The following PPIP5K2 variants were observed in gnomAD, a reference collection of about 807,000 sequenced individuals.
PPIP5K2 encodes the protein diphosphoinositol pentakisphosphate kinase 2, also known as inositol hexakisphosphate and diphosphoinositol-pentakisphosphate kinase 2.
In PPIP5K2, 105 loss-of-function variants were observed where a neutral mutation model predicts 154.6. The observed-to-expected ratio is 0.68, with a 90% CI of 0.58 to 0.80. The LOEUF is 0.80. Among genes scored for constraint, PPIP5K2 ranks in the 30% least tolerant of loss-of-function variants. The probability of loss-of-function intolerance (pLI) is 0.00; values close to 1 mark genes in which losing one functional copy is unlikely to be tolerated. For synonymous variants in PPIP5K2, 480 were observed against 490.3 expected (o/e 0.98, Z 0.28); for missense variants, 992 against 1,504.6 (o/e 0.66, Z 5.64).
intron 17 of PPIP5K2, among the ~76,000 whole-genome samples, chr5:103,166,822 A>AG (rs1797187071): frequency 2.0e-5 from 3 of 152,020 alleles, no homozygotes; most frequent in African/African-American, 7.2e-5. Context: ...CTATGCCTTA[A>AG]GGGGAAATAG....
intron 3 of PPIP5K2, among the ~76,000 whole-genome samples, chr5:103,134,444 T>C (rs1791133439): frequency 6.6e-6 from 1 of 152,156 alleles, no homozygotes; most frequent in South Asian, 2.1e-4. Flanking sequence ...AAATATGTTC[T>C]CCTGAGCTAT....
At chr5:103,171,151 A>G (rs550659562) in intron 19 of PPIP5K2, among the ~76,000 whole-genome samples, 1 of 151,600 alleles carries the variant, frequency 6.6e-6, no homozygotes, top group African/African-American at 2.4e-5. Flanking sequence ...TAACAGTTAA[A>G]CTAGTTCTGA....
intron 24 of PPIP5K2, among the ~76,000 whole-genome samples, chr5:103,182,026 A>G (rs1319138297): frequency 3.3e-5 from 5 of 152,174 alleles, no homozygotes; most frequent in Non-Finnish European, 1.5e-5. Context: ...AACTTAATGG[A>G]AAAAATGAAA....
intron 1 of PPIP5K2, among the ~76,000 whole-genome samples, chr5:103,125,416 T>G (rs1214508674): frequency 6.6e-6 from 1 of 151,962 alleles, no homozygotes; most frequent in African/African-American, 2.4e-5. Flanking sequence ...ACCCAGGTAT[T>G]TTAACCCCTG....
chr5:103,132,984 C>T (rs1261395858), intron 2 of PPIP5K2, among the ~76,000 whole-genome samples: 1 of 152,168 alleles, frequency 6.6e-6, no homozygotes, highest in Admixed American at 6.5e-5. Context: ...TCCAAGTTGT[C>T]ATCAGTGACC....
intron 1 of PPIP5K2, among the ~76,000 whole-genome samples, chr5:103,125,515 A>C (rs912963706): frequency 1.3e-5 from 2 of 151,822 alleles, no homozygotes; most frequent in African/African-American, 4.8e-5. Flanking sequence ...GTGGAATAAC[A>C]GAAAAAAAAA....
At position 103,155,404 on chromosome 5, in the gene PPIP5K2, G is replaced by GTGTTTTTTT. The variant is rs1554212864; in HGVS notation, c.1403+462_1403+463insGTTTTTTTT. Among the ~76,000 whole-genome samples the GTGTTTTTTT allele has an allele frequency of 1.7e-4, 4 of 23,944 alleles. No individual in the cohort carries two copies. In the East Asian group the frequency reaches 5.2e-3, roughly 31 times the overall value. 15.7% of individuals were successfully genotyped at this position (23,944 alleles called of 152,430 possible). On this transcript the variant is annotated intron_variant, in intron 13 of 30. Coordinates refer to ENST00000358359, the MANE Select transcript of PPIP5K2 (RefSeq NM_001276277.3). ...TTCTGTACTTTATCTCTTCAGAGTTGTCTTTTTTTTTTTTTTTTTTTTTTT... is the reference window on the plus strand; with the variant it reads ...TTCTGTACTTTATCTCTTCAGAGTTGTGTTTTTTTTCTTTTTTTTTTTTTTTTTTTTTTT...
At chr5:103,201,447 G>T in intron 30 of PPIP5K2, 75 bp from the exon 31 acceptor site, 1 of 795,424 alleles carries the variant, frequency 1.3e-6, no homozygotes, top group Non-Finnish European at 2.0e-6. Context: ...TTGTCAATCA[G>T]CAGTATTATT....
chr5:103,157,722 T>A (rs1020845662), intron 14 of PPIP5K2, among the ~76,000 whole-genome samples: 81 of 147,672 alleles, frequency 5.5e-4, no homozygotes, highest in African/African-American at 1.9e-3. Context: ...AACAAAAAAA[T>A]ATATATATCT....
intron 17 of PPIP5K2, among the ~76,000 whole-genome samples, chr5:103,164,214 T>C (rs1385172051): frequency 6.6e-6 from 1 of 151,940 alleles, no homozygotes; most frequent in Non-Finnish European, 1.5e-5. Context: ...TATAGAGATT[T>C]CCCTTTTTCT....
intron 18 of PPIP5K2, 114 bp downstream of exon 18, chr5:103,167,434 G>T: frequency 1.1e-6 from 1 of 893,208 alleles, no homozygotes; most frequent in Non-Finnish European, 1.6e-6. Context: ...TGAGAGCTAT[G>T]TATAGTATGA....
Position 103,167,169 on chromosome 5 carries a change from T to C in PPIP5K2, c.1921-10T>C, listed in dbSNP as rs781822530. ...ACCAGATATAAAATATATACTTTAC[T>C]CATTTGTAGCTTACTCCATCTGGAA... On this transcript the variant is annotated splice_polypyrimidine_tract_variant and intron_variant, in intron 17 of 30. Coordinates refer to ENST00000358359, the MANE Select transcript of PPIP5K2 (RefSeq NM_001276277.3). The C allele has an allele frequency of 5.9e-6, 9 of 1,526,400 alleles. No homozygotes were observed. The highest frequency in any genetic ancestry group is 7.9e-6 in the Non-Finnish European group (9 of 1,133,986). 94.6% of individuals were successfully genotyped at this position (1,526,400 alleles called of 1,614,324 possible). A position where few individuals can be genotyped will look rare whatever the true frequency, so the allele number is the denominator to read the frequency against.
chr5:103,146,490 A>G (rs1793781017), intron 5 of PPIP5K2, 37 bp from the exon 6 acceptor site: 1 of 1,593,620 alleles, frequency 6.3e-7, no homozygotes, highest in Non-Finnish European at 8.6e-7. Flanking sequence ...TATAATAAGA[A>G]TATGTGATAT....
At position 103,148,047 on chromosome 5, in the gene PPIP5K2, A is replaced by G. The variant is rs1794021223; in HGVS notation, c.744+15A>G. On this transcript the variant is annotated intron_variant, in intron 7 of 30. Coordinates refer to ENST00000358359, the MANE Select transcript of PPIP5K2 (RefSeq NM_001276277.3). ...CTGATGTTAAGGTAGGATTGATTAA[A>G]ATAGATTTTAGTTTTATATTTCAAG... is the stretch of plus-strand genomic sequence containing the variant. The G allele has an allele frequency of 9.3e-6, 14 of 1,506,980 alleles. No homozygotes were observed. Among genetic ancestry groups the G allele is most frequent in the Non-Finnish European group, 1.3e-5 (14 of 1,100,110 alleles). 93.4% of individuals were successfully genotyped at this position (1,506,980 alleles called of 1,614,324 possible).
At position 103,203,345 on chromosome 5, in the gene PPIP5K2, A is replaced by C. The variant is rs185899880; in HGVS notation, c.*1711A>C. On this transcript the variant is annotated 3_prime_UTR_variant, in exon 31 of 31. Coordinates refer to ENST00000358359, the MANE Select transcript of PPIP5K2 (RefSeq NM_001276277.3). ...TTTATTATTGGCTATATACATAGCAATATATTACTTTCCAAACTAGAAAGT... is the reference window on the plus strand; with the variant it reads ...TTTATTATTGGCTATATACATAGCACTATATTACTTTCCAAACTAGAAAGT... 1.7e-3 allele frequency: 265 copies of C among 152,256 alleles called. No individual in the cohort carries two copies. The highest frequency in any genetic ancestry group is 6.1e-3 in the African/African-American group (254 of 41,570). 9.4% of individuals were successfully genotyped at this position (152,256 alleles called of 1,614,324 possible).
At chr5:103,140,045 C>G (rs1792286727) in intron 5 of PPIP5K2, among the ~76,000 whole-genome samples, 1 of 151,758 alleles carries the variant, frequency 6.6e-6, no homozygotes, top group East Asian at 1.9e-4. Context: ...GGAGCTTGAA[C>G]AAACTTCCCA....
intron 17 of PPIP5K2, among the ~76,000 whole-genome samples, chr5:103,165,368 C>A (rs1486354126): frequency 1.3e-5 from 2 of 152,012 alleles, no homozygotes; most frequent in Non-Finnish European, 2.9e-5. Context: ...TTAAGCCTAC[C>A]TTTGACTGGA....
At chr5:103,148,902 C>T (rs1426326020) in intron 7 of PPIP5K2, among the ~76,000 whole-genome samples, 13 of 151,878 alleles carry the variant, frequency 8.6e-5, no homozygotes, top group Admixed American at 6.6e-5. Flanking sequence ...AGTATTCCCT[C>T]GTAATACTCA....
chr5:103,201,499 T>C lies in PPIP5K2; in HGVS notation c.3620-23T>C, dbSNP rs154290. The C allele has an allele frequency of 3.7e-5, 51 of 1,382,946 alleles. No homozygotes were observed. The African/African-American group carries it at 6.8e-4, about 18-fold the overall frequency. 85.7% of individuals were successfully genotyped at this position (1,382,946 alleles called of 1,614,324 possible). On this transcript the variant is annotated intron_variant, in intron 30 of 30. Transcript: ENST00000358359. ...GTGTAAATTTAAGCAATAGTTTTTT[T>C]TTTTTGTTTTTGTTTTATGTAGCTA...
Sources: allele counts gnomAD v4.1 joint callset (sites outside exome capture counted in the v4.1 genomes callset), GRCh38; gene constraint gnomAD v4.1.1; transcripts MANE v1.5; gene names NCBI Gene and HGNC (gene_info 2026-07-23, HGNC 2026-07-21).